PDS5A: variants seen among roughly 807,000 people sequenced by gnomAD.
PDS5A encodes sister chromatid cohesion protein PDS5 homolog A.
PDS5A carries 42 observed loss-of-function variants against 167.1 expected under a neutral mutation model. That is an observed-to-expected ratio of 0.25 (90% CI 0.20 to 0.33). The LOEUF is 0.33. Among genes scored for constraint, PDS5A ranks in the 10% least tolerant of loss-of-function variants. The probability of loss-of-function intolerance (pLI) is 1.00; values close to 1 mark genes in which losing one functional copy is unlikely to be tolerated. For synonymous variants in PDS5A, 553 were observed against 554.6 expected (o/e 1.00, Z 0.04); for missense variants, 1,033 against 1,605.9 (o/e 0.64, Z 6.10).
chr4:39,825,586 T>A, intron 32 of PDS5A, 98 bp from the exon 33 acceptor site: 2 of 541,460 alleles, frequency 3.7e-6, no homozygotes, highest in Non-Finnish European at 2.8e-6. Context: ...TCTAAAATCT[T>A]TTTTTTTTTT....
intron 2 of PDS5A, among the ~76,000 whole-genome samples, chr4:39,952,819 C>T (rs1728541846): frequency 6.6e-6 from 1 of 150,976 alleles, no homozygotes; most frequent in Admixed American, 6.6e-5. Flanking sequence ...ACCTCTGCCT[C>T]CCGGGTTCAA....
intron 2 of PDS5A, among the ~76,000 whole-genome samples, chr4:39,955,762 A>G (rs1728866872): frequency 6.6e-6 from 1 of 151,876 alleles, no homozygotes; most frequent in Non-Finnish European, 1.5e-5. Flanking sequence ...TACTCTGTAC[A>G]TTCCAGCAAT....
At chr4:39,961,317 G>A (rs535078271) in intron 2 of PDS5A, among the ~76,000 whole-genome samples, 1 of 151,420 alleles carries the variant, frequency 6.6e-6, no homozygotes, top group Admixed American at 6.6e-5. Context: ...TATTTTTTTT[G>A]AGATGGAGTC....
intron 2 of PDS5A, among the ~76,000 whole-genome samples, chr4:39,963,424 A>T (rs1296887300): frequency 1.3e-5 from 2 of 152,150 alleles, no homozygotes; most frequent in Non-Finnish European, 2.9e-5. Context: ...GCACCACTGC[A>T]CTTCAGCCTG....
chr4:39,883,078 T>C (rs1721098122), intron 17 of PDS5A, among the ~76,000 whole-genome samples: 1 of 152,212 alleles, frequency 6.6e-6, no homozygotes, highest in Non-Finnish European at 1.5e-5. Context: ...TGTCATAGGT[T>C]AAGATGTCCT....
chr4:39,943,101 C>T (rs569094048), intron 2 of PDS5A, among the ~76,000 whole-genome samples: 2 of 149,812 alleles, frequency 1.3e-5, no homozygotes, highest in East Asian at 3.9e-4. Flanking sequence ...CCAAAATTTG[C>T]ATTTGGCAAA....
chr4:39,900,137 T>C (rs1293362545), intron 14 of PDS5A, among the ~76,000 whole-genome samples: 1 of 152,174 alleles, frequency 6.6e-6, no homozygotes, highest in Non-Finnish European at 1.5e-5. Flanking sequence ...TAATTTTATC[T>C]CAAAATTTAA....
At chr4:39,934,150 G>A (rs1427518301) in intron 2 of PDS5A, among the ~76,000 whole-genome samples, 1 of 152,116 alleles carries the variant, frequency 6.6e-6, no homozygotes, top group Non-Finnish European at 1.5e-5. Flanking sequence ...ACGGCTAAAC[G>A]TGTGTCCCTA....
chr4:39,941,414 ACTG>A (rs1488531245), intron 2 of PDS5A, among the ~76,000 whole-genome samples: 1 of 152,228 alleles, frequency 6.6e-6, no homozygotes. Flanking sequence ...CAGTTTACTC[ACTG>A]AGCATATACA....
chr4:39,931,542 G>A (rs968052898), intron 2 of PDS5A, among the ~76,000 whole-genome samples: 1 of 152,136 alleles, frequency 6.6e-6, no homozygotes, highest in African/African-American at 2.4e-5. Context: ...ACGGTTCTAA[G>A]TTGACACTTG....
intron 2 of PDS5A, among the ~76,000 whole-genome samples, chr4:39,934,615 CT>C (rs5857707): frequency 0.11 from 13,710 of 127,188 alleles, 709 homozygotes; most frequent in South Asian, 0.22. Context: ...CTTTTTTTTT[CT>C]TTTTTTTTTT....
chr4:39,849,078 T>C, intron 27 of PDS5A, 108 bp from the exon 28 acceptor site: 1 of 786,392 alleles, frequency 1.3e-6, no homozygotes, highest in Non-Finnish European at 2.0e-6. Flanking sequence ...ACTGTGGTTG[T>C]TATTTATTCC....
At chr4:39,846,749 A>T (rs1443878677) in intron 28 of PDS5A, 1 of 152,190 alleles carries the variant, frequency 6.6e-6, no homozygotes, top group Non-Finnish European at 1.5e-5. Context: ...CAGGAAATAT[A>T]ATTAAGTTTT....
chr4:39,920,293 G>A, intron 7 of PDS5A, 26 bp downstream of exon 7: 1 of 979,388 alleles, frequency 1.0e-6, no homozygotes, highest in Non-Finnish European at 1.6e-6. Flanking sequence ...ACAAAATATA[G>A]AATAAACATA....
intron 2 of PDS5A, among the ~76,000 whole-genome samples, chr4:39,935,372 A>G (rs1247036489): frequency 1.3e-5 from 2 of 152,214 alleles, no homozygotes; most frequent in South Asian, 2.1e-4. Context: ...CGCTGGGATT[A>G]TAGGCGTGAG....
At chr4:39,872,838 C>T (rs573759864) in intron 21 of PDS5A, 148 bp downstream of exon 21, 9 of 441,582 alleles carry the variant, frequency 2.0e-5, no homozygotes, top group Non-Finnish European at 3.1e-5. Flanking sequence ...GAAGTAGTTT[C>T]GAATTTAAAT....
At chr4:39,930,246 A>AAAAAAAGTTTTTT in intron 2 of PDS5A, among the ~76,000 whole-genome samples, 2 of 93,090 alleles carry the variant, frequency 2.1e-5, no homozygotes, top group Non-Finnish European at 4.5e-5. Flanking sequence ...AAAAAAAAAA[A>AAAAAAAGTTTTTT]GTTTTTTTGT....
intron 31 of PDS5A, among the ~76,000 whole-genome samples, chr4:39,840,898 G>A (rs1044393264): frequency 7.2e-5 from 11 of 151,920 alleles, no homozygotes; most frequent in African/African-American, 2.4e-4. Context: ...GGGATTACAG[G>A]TGTGCGCCAC....
At position 39,902,477 on chromosome 4, in the gene PDS5A, A is replaced by G; in HGVS notation, c.1386-17T>C. The stretch of plus-strand genomic sequence containing the variant: ...ACCAACAGTCTAGGAAATAACAACA[A>G]CAAAAAAAACCTAAGTGACACAATT... On this transcript the variant is annotated splice_polypyrimidine_tract_variant and intron_variant, in intron 12 of 32. Transcript: ENST00000303538. The G allele has an allele frequency of 8.0e-7, 1 of 1,248,312 alleles. No homozygotes were observed. Among genetic ancestry groups the G allele is most frequent in the Non-Finnish European group, 1.1e-6 (1 of 878,332 alleles). The allele number at this position is 1,248,312 out of a possible 1,614,324, so 77.3% of individuals were successfully genotyped here.
Sources: allele counts gnomAD v4.1 joint callset (sites outside exome capture counted in the v4.1 genomes callset), GRCh38; gene constraint gnomAD v4.1.1; transcripts MANE v1.5; gene names NCBI Gene and HGNC (gene_info 2026-07-23, HGNC 2026-07-21).